The following SIPA1L3 variants were observed in gnomAD, a reference collection of about 807,000 sequenced individuals.
The protein encoded by SIPA1L3 is signal-induced proliferation-associated 1-like protein 3.
A neutral mutation model predicts 150.1 loss-of-function variants in SIPA1L3; 59 were observed. The ratio of observed to expected loss-of-function variants is 0.39; its 90% CI spans 0.32 to 0.49. SIPA1L3 has a LOEUF of 0.49. Ranked by LOEUF, SIPA1L3 falls within the 20% of genes least tolerant of loss-of-function variation. The probability of loss-of-function intolerance (pLI) is 0.86; values close to 1 mark genes in which losing one functional copy is unlikely to be tolerated. For synonymous variants in SIPA1L3, 1,070 were observed against 1,077.6 expected, an observed-to-expected ratio of 0.99 and a Z score of 0.14; for missense variants, 2,211 against 2,489.5, an observed-to-expected ratio of 0.89 and a Z score of 2.38.
chr19:37,951,611 G>A (rs1328783643), intron 1 of SIPA1L3, among the ~76,000 whole-genome samples: 1 of 151,902 alleles, frequency 6.6e-6, no homozygotes, highest in African/African-American at 2.4e-5. Context: ...CTTAAAAAAA[G>A]CCCCGGGCCA....
chr19:38,100,826 C>T (rs556673805), intron 5 of SIPA1L3, among the ~76,000 whole-genome samples: 5 of 152,362 alleles, frequency 3.3e-5, no homozygotes, highest in South Asian at 4.1e-4. Context: ...CGAGAAGAGG[C>T]GGCCTGGATA....
Position 38,082,131 on chromosome 19 carries a change from G to A in SIPA1L3, c.566G>A (p.Gly189Glu), listed in dbSNP as rs1224019566. Residue 189 changes from glycine (G) to glutamate (E), a missense_variant, in exon 3 of 22, where the codon GGG becomes GAG. Physicochemically the swap from Gly to Glu is moderately conservative, Grantham distance 98. Coordinates refer to ENST00000222345, the MANE Select transcript of SIPA1L3 (RefSeq NM_015073.3). ...CDAEDAGEPR[G>E]ARHTGALPLF... is the part of the protein sequence containing the mutation. ...GCGGAGGACGCGGGGGAGCCGCGGG[G>A]GGCCCGGCACACGGGGGCGCTGCCC... 6.2e-7 allele frequency: 1 copy of A among 1,606,314 alleles called. No homozygotes were observed. Among genetic ancestry groups the A allele is most frequent in the African/African-American group, 1.3e-5 (1 of 74,902 alleles).
chr19:38,156,378 A>C (rs1379925829), intron 13 of SIPA1L3, among the ~76,000 whole-genome samples: 2 of 151,446 alleles, frequency 1.3e-5, no homozygotes, highest in African/African-American at 2.4e-5. Flanking sequence ...CATGGGCCCC[A>C]AAAAAGAAAC....
rs1029757416 is a variant in SIPA1L3, at chr19:37,947,721, C to G, written c.-379+40363C>G. 2.6e-5 allele frequency among the ~76,000 whole-genome samples: 4 copies of G among 152,172 alleles called. 1 individual carries two copies. The highest frequency in any genetic ancestry group is 4.1e-4 in the South Asian group (2 of 4,832). Reference sequence around the variant, plus strand: ...AAGCACAAAGAGGTGTCGTTTCTTGCGTGACATTTCACAGCTTGGATGGGG... The same window carrying G: ...AAGCACAAAGAGGTGTCGTTTCTTGGGTGACATTTCACAGCTTGGATGGGG... On this transcript the variant is annotated intron_variant, in intron 1 of 21. Transcript: ENST00000222345.
chr19:38,011,999 T>G (rs1272652800), intron 1 of SIPA1L3, among the ~76,000 whole-genome samples: 1 of 151,908 alleles, frequency 6.6e-6, no homozygotes, highest in Non-Finnish European at 1.5e-5. Flanking sequence ...CCCATGTGTC[T>G]GCATCATTGC....
chr19:37,961,531 A>G (rs984492741), intron 1 of SIPA1L3, among the ~76,000 whole-genome samples: 1 of 152,108 alleles, frequency 6.6e-6, no homozygotes, highest in African/African-American at 2.4e-5. Flanking sequence ...GTCTTTCAAC[A>G]ATTTGACTAT....
intron 1 of SIPA1L3, among the ~76,000 whole-genome samples, chr19:37,953,607 T>A (rs545804220): frequency 1.2e-4 from 18 of 152,338 alleles, no homozygotes; most frequent in Admixed American, 1.2e-3. Flanking sequence ...GCCCTTTTAC[T>A]CGAATGAAAG....
intron 1 of SIPA1L3, among the ~76,000 whole-genome samples, chr19:37,916,948 G>A (rs1456068247): frequency 2.1e-5 from 3 of 142,062 alleles, no homozygotes; most frequent in Non-Finnish European, 3.2e-5. Context: ...AACAGAGTGA[G>A]ACTCCTTCTC....
chr19:38,053,413 C>A (rs1246938726), intron 2 of SIPA1L3, among the ~76,000 whole-genome samples: 1 of 152,194 alleles, frequency 6.6e-6, no homozygotes. Flanking sequence ...GCCAAGGCCA[C>A]ACATCTAGGG....
At chr19:37,976,645 T>G (rs1967083895) in intron 1 of SIPA1L3, among the ~76,000 whole-genome samples, 1 of 152,114 alleles carries the variant, frequency 6.6e-6, no homozygotes, top group South Asian at 2.1e-4. Flanking sequence ...ACCTCACTCC[T>G]TATTCATAAG....
intron 2 of SIPA1L3, among the ~76,000 whole-genome samples, chr19:38,048,185 TCA>T (rs1969105041): frequency 6.6e-6 from 1 of 152,194 alleles, no homozygotes; most frequent in Non-Finnish European, 1.5e-5. Flanking sequence ...TTTGTGGTTC[TCA>T]GTCAGGATGC....
At chr19:38,174,047 C>T (rs754313498) in intron 15 of SIPA1L3, among the ~76,000 whole-genome samples, 8 of 152,094 alleles carry the variant, frequency 5.3e-5, no homozygotes, top group Admixed American at 1.3e-4. Context: ...TGATCTGATT[C>T]ACATGTTCCC....
chr19:38,000,897 TATATATATATATAACATATATATAAC>T (rs1339661753), intron 1 of SIPA1L3, among the ~76,000 whole-genome samples: 22 of 58,644 alleles, frequency 3.8e-4, no homozygotes, highest in African/African-American at 1.7e-3. Flanking sequence ...ATATATGTTA[TATATATATATATAACATATATATAAC>T]ATATATATAA....
Position 38,101,220 on chromosome 19 carries a change from G to T in SIPA1L3, c.2023G>T (p.Val675Phe). ...CACCAAGTACGCTGCCCAGCTGGAC[G>T]TCAAGAGTAAGTAGGGGGCCGGTTA... ...GFTKYAAQLD[V>F]KTDSTGTHSL... The change falls in exon 6 of 22, where the codon GTC becomes TTC. Residue 675 changes from valine (V) to phenylalanine (F), a missense_variant. Physicochemically the swap from Val to Phe is conservative, Grantham distance 50. Transcript: ENST00000222345. 1 of 1,559,226 alleles carries T rather than the reference G, an allele frequency of 6.4e-7. No individual in the cohort carries two copies. Among genetic ancestry groups the T allele is most frequent in the South Asian group, 1.2e-5 (1 of 84,070 alleles).
rs1335234904 is a variant in SIPA1L3 at position 38,082,400 on chromosome 19, GAGA to G, written c.838_840del (p.Lys280del). The G allele has an allele frequency of 1.3e-6, 2 of 1,598,268 alleles. No homozygotes were observed. The highest frequency in any genetic ancestry group is 2.2e-5 in the East Asian group (1 of 44,734). On this transcript the variant is annotated inframe_deletion, in exon 3 of 22. Coordinates refer to ENST00000222345, the MANE Select transcript of SIPA1L3 (RefSeq NM_015073.3). ...CCTCCTGCCACTGCAGCCCACGAAG[GAGA>G]AGGAGAAGGCCCGGAAGAAACCTGC...
At chr19:38,158,154 A>C (rs557634223) in intron 13 of SIPA1L3, among the ~76,000 whole-genome samples, 4 of 151,836 alleles carry the variant, frequency 2.6e-5, no homozygotes, top group African/African-American at 9.7e-5. Context: ...AATCACTTGA[A>C]CCCGGGAGGT....
At chr19:38,061,301 T>TCATC (rs1418974410) in intron 2 of SIPA1L3, among the ~76,000 whole-genome samples, 6 of 151,892 alleles carry the variant, frequency 4.0e-5, no homozygotes, top group Admixed American at 6.6e-5. Context: ...TGGCCTCAAG[T>TCATC]CATCCGCCTG....
intron 2 of SIPA1L3, among the ~76,000 whole-genome samples, chr19:38,077,036 T>C (rs1352820820): frequency 6.6e-6 from 1 of 152,228 alleles, no homozygotes; most frequent in Non-Finnish European, 1.5e-5. Flanking sequence ...GGGAATTTAA[T>C]GCCAGCAAAG....
chr19:38,164,041 T>C lies in SIPA1L3; in HGVS notation c.3781-438T>C, dbSNP rs536005402. Among the ~76,000 whole-genome samples, 2 of 152,218 alleles carry C rather than the reference T, an allele frequency of 1.3e-5. No individual in the cohort carries two copies. The highest frequency in any genetic ancestry group is 4.8e-5 in the African/African-American group (2 of 41,530). On this transcript the variant is annotated intron_variant, in intron 14 of 21. Coordinates refer to ENST00000222345, the MANE Select transcript of SIPA1L3 (RefSeq NM_015073.3). This position sits in a 1 kb window ranked among gnomAD's most constrained non-coding sequence, Gnocchi z 4.1. ...GGAAGTGACAGGTCCCGGATCTGTG[T>C]TGAGGACGCGGGCAGCAGGGTTTGC...
Sources: gnomAD v4.1 joint callset for allele counts (sites outside exome capture counted in the v4.1 genomes callset) on GRCh38, gnomAD v4.1.1 for gene constraint, Gnocchi (gnomAD v3.1) non-coding constraint, MANE v1.5 for transcripts, NCBI Gene and HGNC (gene_info 2026-07-23, HGNC 2026-07-21) for gene names.